The following ICOS variants were observed in gnomAD, a reference collection of about 807,000 sequenced individuals.
ICOS encodes inducible T cell costimulator.
In ICOS, 15 loss-of-function variants were observed where a neutral mutation model predicts 24.6. That is an observed-to-expected ratio of 0.61 (90% CI 0.41 to 0.94). The LOEUF is 0.94. Among genes scored for constraint, ICOS ranks in the 40% least tolerant of loss-of-function variants. The pLI is 0.00. For synonymous variants in ICOS, 89 were observed against 77.5 expected, an observed-to-expected ratio of 1.15 and a Z score of -0.78; for missense variants, 200 against 233.0, an observed-to-expected ratio of 0.86 and a Z score of 0.92.
chr2:203,957,354 C>G (rs1205588563), intron 3 of ICOS, among the ~76,000 whole-genome samples: 5 of 152,150 alleles, frequency 3.3e-5, no homozygotes, highest in African/African-American at 1.2e-4. Context: ...ATGACAACAA[C>G]AAAAATCTCC....
chr2:203,949,240 C>G (rs1689926626), intron 1 of ICOS, among the ~76,000 whole-genome samples: 1 of 152,200 alleles, frequency 6.6e-6, no homozygotes, highest in Admixed American at 6.5e-5. Context: ...ATTAGGCGTT[C>G]TTCCTGCTCA....
At position 203,960,634 on chromosome 2, in the gene ICOS, G is replaced by A. The variant is rs576590666; in HGVS notation, c.*1035G>A. 2 of 152,282 alleles carry A rather than the reference G, an allele frequency of 1.3e-5. No individual in the cohort carries two copies. Among genetic ancestry groups the A allele is most frequent in the African/African-American group, 4.8e-5 (2 of 41,546 alleles). The allele number at this position is 152,282 out of a possible 1,614,324, so 9.4% of individuals were successfully genotyped here. A position where few individuals can be genotyped will look rare whatever the true frequency, so the allele number is the denominator to read the frequency against. ...TGGGCCAGCATTCTCATGGGGTAGA[G>A]CAGAATATTCATTTAGCCTGAAAGC... is the stretch of plus-strand genomic sequence containing the variant. On this transcript the variant is annotated 3_prime_UTR_variant, in exon 5 of 5. Coordinates refer to ENST00000316386, the MANE Select transcript of ICOS (RefSeq NM_012092.4).
chr2:203,942,739 G>C (rs560674866), intron 1 of ICOS, among the ~76,000 whole-genome samples: 4 of 151,950 alleles, frequency 2.6e-5, no homozygotes, highest in African/African-American at 9.6e-5. Context: ...TTTTTATTTC[G>C]TAGCAAATCT....
At chr2:203,942,038 G>A (rs1250837806) in intron 1 of ICOS, among the ~76,000 whole-genome samples, 1 of 152,176 alleles carries the variant, frequency 6.6e-6, no homozygotes, top group South Asian at 2.1e-4. Context: ...TAGACCAGGA[G>A]TTTCCATCCA....
chr2:203,955,462 T>G (rs1275382664), intron 1 of ICOS, among the ~76,000 whole-genome samples, 174 bp from the exon 2 acceptor site: 1 of 152,096 alleles, frequency 6.6e-6, no homozygotes, highest in Non-Finnish European at 1.5e-5. Context: ...CTCTAGGACA[T>G]AGTTTTATCT....
intron 3 of ICOS, 28 bp from the exon 4 acceptor site, chr2:203,957,771 C>T: frequency 1.3e-6 from 2 of 1,515,022 alleles, no homozygotes; most frequent in Non-Finnish European, 1.8e-6. Flanking sequence ...AAAAGATGAC[C>T]AAGCATGTTT....
At chr2:203,938,983 A>C (rs1057447335) in intron 1 of ICOS, among the ~76,000 whole-genome samples, 2 of 152,176 alleles carry the variant, frequency 1.3e-5, no homozygotes, top group Non-Finnish European at 2.9e-5. Context: ...AAAAGCTCTA[A>C]AGAAAAAGAG....
intron 1 of ICOS, among the ~76,000 whole-genome samples, chr2:203,942,220 T>C (rs1333251430): frequency 6.6e-6 from 1 of 152,234 alleles, no homozygotes; most frequent in Non-Finnish European, 1.5e-5. Flanking sequence ...AAAGAATCTG[T>C]ACATGCAAAA....
Position 203,955,955 on chromosome 2 carries a change from A to G in ICOS, c.378A>G (p.Gly126=). 6.2e-7 allele frequency: 1 copy of G among 1,606,902 alleles called. No homozygotes were observed. The highest frequency in any genetic ancestry group is 8.5e-7 in the Non-Finnish European group (1 of 1,174,290). Residue 126 remains glycine, a synonymous_variant, in exon 2 of 5, where the codon GGA becomes GGG. Coordinates refer to ENST00000316386, the MANE Select transcript of ICOS (RefSeq NM_012092.4). ...PPPFKVTLTG[G]YLHIYESQLC... ...CTTTTAAAGTAACTCTTACAGGAGG[A>G]TATTTGCATATTTATGGTAAGACAT...
At chr2:203,944,424 G>T (rs561220761) in intron 1 of ICOS, among the ~76,000 whole-genome samples, 4 of 152,254 alleles carry the variant, frequency 2.6e-5, no homozygotes, top group African/African-American at 9.6e-5. Flanking sequence ...CAGCTTCTCC[G>T]GTCAGAGTGT....
intron 1 of ICOS, among the ~76,000 whole-genome samples, chr2:203,938,046 T>C (rs1201110739): frequency 6.6e-6 from 1 of 152,228 alleles, no homozygotes; most frequent in African/African-American, 2.4e-5. Flanking sequence ...TGCCAGATGG[T>C]GTATGTACAA....
At position 203,956,769 on chromosome 2, in the gene ICOS, A is replaced by G; in HGVS notation, c.501+4A>G. 6.4e-7 allele frequency: 1 copy of G among 1,572,296 alleles called. No homozygotes were observed. The highest frequency in any genetic ancestry group is 8.8e-7 in the Non-Finnish European group (1 of 1,142,080). ...TATTTGTTGGCTTACAAAAAAGGTA[A>G]GCGATTTCTATCTTTCCTTGTATCT... is the stretch of plus-strand genomic sequence containing the variant. On this transcript the variant is annotated splice_donor_region_variant and intron_variant, in intron 3 of 4. Coordinates refer to ENST00000316386, the MANE Select transcript of ICOS (RefSeq NM_012092.4).
At position 203,955,915 on chromosome 2, in the gene ICOS, T is replaced by C; in HGVS notation, c.338T>C (p.Ile113Thr). 6.2e-7 allele frequency: 1 copy of C among 1,613,146 alleles called. No homozygotes were observed. The highest frequency in any genetic ancestry group is 8.5e-7 in the Non-Finnish European group (1 of 1,179,298). The stretch of plus-strand genomic sequence containing the variant: ...AACTATTACTTCTGCAACCTATCAA[T>C]TTTTGATCCTCCTCCTTTTAAAGTA... Reference protein sequence around the residue: ...HANYYFCNLSIFDPPPFKVTL... With the variant: ...HANYYFCNLSTFDPPPFKVTL... The change falls in exon 2 of 5, where the codon ATT (isoleucine) becomes ACT (threonine). Residue 113 changes from isoleucine (I) to threonine (T), a missense_variant. By Grantham distance (89) the Ile-to-Thr change is moderately conservative (BLOSUM62 -1). Transcript: ENST00000316386.
chr2:203,952,008 A>G (rs746958102), intron 1 of ICOS, among the ~76,000 whole-genome samples: 1 of 152,070 alleles, frequency 6.6e-6, no homozygotes, highest in Non-Finnish European at 1.5e-5. Flanking sequence ...TTCCTTCTGT[A>G]TGCTTTTAAA....
rs916854910 is a variant in ICOS, at chr2:203,957,873, T to C, written c.576T>C (p.Ser192=). 1.2e-6 allele frequency: 2 copies of C among 1,605,966 alleles called. No homozygotes were observed. The highest frequency in any genetic ancestry group is 1.7e-5 in the Admixed American group (1 of 59,948). The part of the protein sequence containing the change: ...FMRAVNTAKK[S]RLTDVTL ...GAGCAGTGAACACAGCCAAAAAATCTAGACTCACAGGTATGACTCCATTTG... is the reference window on the plus strand; with the variant it reads ...GAGCAGTGAACACAGCCAAAAAATCCAGACTCACAGGTATGACTCCATTTG... The change falls in exon 4 of 5, where the codon TCT becomes TCC. Residue 192 remains serine, a synonymous_variant. Transcript: ENST00000316386.
chr2:203,946,855 C>T (rs563827714), intron 1 of ICOS, among the ~76,000 whole-genome samples: 11 of 152,290 alleles, frequency 7.2e-5, no homozygotes, highest in Admixed American at 2.6e-4. Flanking sequence ...CTCAGGACAT[C>T]TTATCTTTCC....
chr2:203,955,545 C>A (rs2105754005), intron 1 of ICOS, 91 bp from the exon 2 acceptor site: 4 of 974,060 alleles, frequency 4.1e-6, no homozygotes, highest in South Asian at 2.7e-5. Context: ...TGACTTTATG[C>A]ATTGAATAAA....
At chr2:203,955,081 T>C (rs1690054627) in intron 1 of ICOS, among the ~76,000 whole-genome samples, 1 of 151,976 alleles carries the variant, frequency 6.6e-6, no homozygotes, top group Non-Finnish European at 1.5e-5. Context: ...CCCCAAGATA[T>C]ACCTACTAAT....
intron 1 of ICOS, among the ~76,000 whole-genome samples, chr2:203,939,655 A>T (rs1014104702): frequency 4.6e-5 from 7 of 152,168 alleles, no homozygotes; most frequent in Non-Finnish European, 7.4e-5. Flanking sequence ...CCTCAAGGCC[A>T]CTTTGAGCCT....
Sources: allele counts gnomAD v4.1 joint callset (sites outside exome capture counted in the v4.1 genomes callset), GRCh38; gene constraint gnomAD v4.1.1; transcripts MANE v1.5; gene names NCBI Gene and HGNC (gene_info 2026-07-23, HGNC 2026-07-21).